Variants in GABBR2 observed in about 807,000 individuals in gnomAD.
The protein encoded by GABBR2 is G-protein coupled receptor 51.
A neutral mutation model predicts 105.6 loss-of-function variants in GABBR2; 23 were observed. That is an observed-to-expected ratio of 0.22 (90% confidence interval 0.16 to 0.31). The LOEUF is 0.31. Ranked by LOEUF, GABBR2 falls within the 10% of genes least tolerant of loss-of-function variation. The pLI is 1.00. For missense variants in GABBR2, 734 were observed against 1,245.5 expected, an observed-to-expected ratio of 0.59 and a Z score of 6.18; for synonymous variants, 478 against 499.7, an observed-to-expected ratio of 0.96 and a Z score of 0.58.
chr9:98,312,752 T>C (rs892432761), intron 13 of GABBR2, among the ~76,000 whole-genome samples: 1 of 152,202 alleles, frequency 6.6e-6, no homozygotes, highest in African/African-American at 2.4e-5. Flanking sequence ...TTTATGTATA[T>C]CAGTATGTTC....
intron 13 of GABBR2, among the ~76,000 whole-genome samples, chr9:98,314,750 G>A (rs767564491): frequency 6.6e-6 from 1 of 152,088 alleles, no homozygotes; most frequent in Non-Finnish European, 1.5e-5. Flanking sequence ...TTCCACAGGA[G>A]GGAAGATCTA....
At position 98,388,191 on chromosome 9, in the gene GABBR2, C is replaced by T. The variant is rs1832110568; in HGVS notation, c.1529+663G>A. 6.6e-6 allele frequency among the ~76,000 whole-genome samples: 1 copy of T among 152,252 alleles called. No individual in the cohort carries two copies. The highest frequency in any genetic ancestry group is 1.5e-5 in the Non-Finnish European group (1 of 68,048). On this transcript the variant is annotated intron_variant, in intron 10 of 18. Coordinates refer to ENST00000259455, the MANE Select transcript of GABBR2 (RefSeq NM_005458.8). This position sits in a 1 kb window ranked among gnomAD's most constrained non-coding sequence, Gnocchi z 4.4. ...GAATAACTCAGTCAGCCTCTCTCCTCTGGAGAATTAAGGGCACGTGGTGGG... is the reference window on the plus strand; with the variant it reads ...GAATAACTCAGTCAGCCTCTCTCCTTTGGAGAATTAAGGGCACGTGGTGGG...
chr9:98,346,397 A>G (rs774330), intron 13 of GABBR2, among the ~76,000 whole-genome samples: 42,307 of 152,102 alleles, frequency 0.28, 6,231 homozygotes, highest in South Asian at 0.35. Context: ...GCTTTTCCAT[A>G]AGAAGCAACT....
At chr9:98,700,855 T>C (rs1274639664) in intron 1 of GABBR2, among the ~76,000 whole-genome samples, 1 of 152,228 alleles carries the variant, frequency 6.6e-6, no homozygotes, top group Non-Finnish European at 1.5e-5. Context: ...AGCCTTAAGA[T>C]GGGAGACTCA....
At chr9:98,447,284 C>T (rs1323382469) in intron 7 of GABBR2, among the ~76,000 whole-genome samples, 6 of 114,440 alleles carry the variant, frequency 5.2e-5, no homozygotes, top group Non-Finnish European at 9.8e-5. Flanking sequence ...GGGATGGTCT[C>T]GATCTCCTGA....
chr9:98,325,283 C>CT (rs886288539), intron 13 of GABBR2, among the ~76,000 whole-genome samples: 18,256 of 67,736 alleles, frequency 0.27, 5,622 homozygotes, highest in East Asian at 0.46. Context: ...GACAGCAATT[C>CT]TTTTTTTTTT....
chr9:98,648,083 G>GTGTA (rs1490408786), intron 1 of GABBR2, among the ~76,000 whole-genome samples: 25 of 67,466 alleles, frequency 3.7e-4, no homozygotes, highest in African/African-American at 1.5e-3. Context: ...CATACAGGGT[G>GTGTA]TGTGTGTGTG....
At chr9:98,515,172 G>C (rs748421929) in intron 3 of GABBR2, among the ~76,000 whole-genome samples, 5 of 152,218 alleles carry the variant, frequency 3.3e-5, no homozygotes, top group Non-Finnish European at 5.9e-5. Flanking sequence ...TCAGGCATCA[G>C]ATGGAGGGGC....
chr9:98,299,419 C>A, intron 16 of GABBR2, 66 bp from the exon 17 acceptor site: 1 of 1,592,268 alleles, frequency 6.3e-7, no homozygotes, highest in Admixed American at 1.7e-5. Flanking sequence ...GCCACTAGGG[C>A]CAAAAGGTAG....
At chr9:98,466,703 A>G (rs576462982) in intron 6 of GABBR2, among the ~76,000 whole-genome samples, 2 of 152,352 alleles carry the variant, frequency 1.3e-5, no homozygotes, top group East Asian at 3.9e-4. Flanking sequence ...ATGAGAGACA[A>G]ACTGGGAAAG....
intron 2 of GABBR2, chr9:98,555,642 C>T (rs4507885): frequency 0.076 from 11,610 of 152,146 alleles, 902 homozygotes; most frequent in African/African-American, 0.2. Flanking sequence ...AGCCAACCGC[C>T]TTTTAATTAC....
At chr9:98,369,263 A>T (rs1027733503) in intron 12 of GABBR2, among the ~76,000 whole-genome samples, 13 of 152,014 alleles carry the variant, frequency 8.6e-5, no homozygotes, top group African/African-American at 2.7e-4. Context: ...CCCCTTCCCC[A>T]CTCTAAATGC....
At chr9:98,407,234 C>G (rs548254022) in intron 7 of GABBR2, among the ~76,000 whole-genome samples, 2 of 152,230 alleles carry the variant, frequency 1.3e-5, no homozygotes, top group Admixed American at 1.3e-4. Flanking sequence ...ACAGACAATA[C>G]TCTGGGTTCC....
intron 1 of GABBR2, among the ~76,000 whole-genome samples, chr9:98,631,265 G>A (rs1829812916): frequency 6.6e-6 from 1 of 152,144 alleles, no homozygotes; most frequent in Non-Finnish European, 1.5e-5. Context: ...TCTGGATTCA[G>A]GCCTTGACTA....
intron 7 of GABBR2, among the ~76,000 whole-genome samples, chr9:98,451,168 A>G (rs1826222741): frequency 6.6e-6 from 1 of 151,978 alleles, no homozygotes; most frequent in African/African-American, 2.4e-5. Flanking sequence ...TTTCTGAGGG[A>G]GGGATCTCAG....
intron 1 of GABBR2, among the ~76,000 whole-genome samples, chr9:98,693,171 A>G (rs1830706643): frequency 6.6e-6 from 1 of 152,200 alleles, no homozygotes; most frequent in African/African-American, 2.4e-5. Flanking sequence ...CCATGGCCTC[A>G]TCAGAAGCCT....
At chr9:98,585,054 T>C (rs1825059678) in intron 1 of GABBR2, among the ~76,000 whole-genome samples, 2 of 152,168 alleles carry the variant, frequency 1.3e-5, no homozygotes, top group African/African-American at 4.8e-5. Context: ...CCATACAGGA[T>C]AGTTTTACAG....
rs553850957 is a variant in GABBR2, at chr9:98,541,903, C to T, written c.600G>A (p.Thr200=). The part of the protein sequence containing the change: ...LKHYQWKRVG[T]LTQDVQRFSE... ...AGAACCTCTGAACGTCTTGCGTCAG[C>T]GTGCCCACGCGCTTCCACTGGTAGT... The change falls in exon 3 of 19, where the codon ACG becomes ACA. Residue 200 remains threonine, a synonymous_variant. Coordinates refer to ENST00000259455, the MANE Select transcript of GABBR2 (RefSeq NM_005458.8). The T allele has an allele frequency of 1.2e-5, 19 of 1,614,192 alleles. No individual in the cohort carries two copies. The highest frequency in any genetic ancestry group is 4.0e-5 in the African/African-American group (3 of 75,070).
chr9:98,542,293 A>G (rs1828320266), intron 2 of GABBR2, among the ~76,000 whole-genome samples: 1 of 152,238 alleles, frequency 6.6e-6, no homozygotes, highest in Non-Finnish European at 1.5e-5. Flanking sequence ...ACCATCATTC[A>G]TGTTATCGTC....
Sources: gnomAD v4.1 joint callset for allele counts (sites outside exome capture counted in the v4.1 genomes callset) on GRCh38, gnomAD v4.1.1 for gene constraint, Gnocchi (gnomAD v3.1) non-coding constraint, MANE v1.5 for transcripts, NCBI Gene and HGNC (gene_info 2026-07-23, HGNC 2026-07-21) for gene names.